EEA1: variants seen among roughly 807,000 people sequenced by gnomAD.
EEA1 encodes early endosome antigen 1, 162kD.
In EEA1, 111 loss-of-function variants were observed where a neutral mutation model predicts 209.2. The observed-to-expected ratio is 0.53, with a 90% confidence interval of 0.45 to 0.62. The LOEUF is 0.62. EEA1 is among the 20% of genes least tolerant of loss of function. The pLI, the probability that EEA1 is intolerant of heterozygous loss-of-function variation, is 0.00. For missense variants in EEA1, 1,343 were observed against 1,530.8 expected, an observed-to-expected ratio of 0.88 and a Z score of 2.05; for synonymous variants, 536 against 540.6, an observed-to-expected ratio of 0.99 and a Z score of 0.12.
chr12:92,844,961 T>C (rs1877329153), intron 9 of EEA1, among the ~76,000 whole-genome samples: 1 of 152,028 alleles, frequency 6.6e-6, no homozygotes, highest in Non-Finnish European at 1.5e-5. Context: ...CTAGTAAGAA[T>C]AAGAATAGAA....
chr12:92,857,082 G>A (rs1304445914), intron 5 of EEA1, among the ~76,000 whole-genome samples, 193 bp downstream of exon 5: 1 of 151,968 alleles, frequency 6.6e-6, no homozygotes, highest in South Asian at 2.1e-4. Context: ...ATTTTTAATG[G>A]AACACCTTTT....
rs1344924402 is a variant in EEA1, at chr12:92,777,531, T to C, written c.4014+12A>G. ...AGACTAAAAAACTGCTTCATATCCA[T>C]AGGTGACTGACCTGAAGTGATTGGT... On this transcript the variant is annotated intron_variant, in intron 27 of 28. Coordinates refer to ENST00000322349, the MANE Select transcript of EEA1 (RefSeq NM_003566.4). 2.5e-6 allele frequency: 4 copies of C among 1,606,140 alleles called. No individual in the cohort carries two copies. The African/African-American group carries it at 4.0e-5, about 16-fold the overall frequency.
intron 1 of EEA1, among the ~76,000 whole-genome samples, chr12:92,922,723 C>T (rs569105729): frequency 1.1e-4 from 16 of 152,030 alleles, no homozygotes; most frequent in African/African-American, 2.7e-4. Context: ...GAAGCCGAGG[C>T]GGGCGGATCG....
At chr12:92,777,890 CTTTTT>C (rs1264169429) in intron 26 of EEA1, 46 bp downstream of exon 26, 1 of 1,530,432 alleles carries the variant, frequency 6.5e-7, no homozygotes, top group Non-Finnish European at 9.0e-7. Context: ...ATATGACAAT[CTTTTT>C]ATCACTTACA....
At chr12:92,800,793 T>C (rs2136665904) in intron 20 of EEA1, among the ~76,000 whole-genome samples, 1 of 152,352 alleles carries the variant, frequency 6.6e-6, no homozygotes, top group Middle Eastern at 3.4e-3. Context: ...CGAAATGGCA[T>C]AGCTAATAAA....
intron 9 of EEA1, among the ~76,000 whole-genome samples, chr12:92,848,526 C>T (rs1358160065): frequency 6.6e-6 from 1 of 151,908 alleles, no homozygotes; most frequent in Non-Finnish European, 1.5e-5. Context: ...TCTTAAATGA[C>T]TTATTCTCCT....
intron 1 of EEA1, among the ~76,000 whole-genome samples, chr12:92,912,595 T>A (rs1342174785): frequency 6.6e-6 from 1 of 152,236 alleles, no homozygotes; most frequent in African/African-American, 2.4e-5. Flanking sequence ...TGGGTACAAG[T>A]GCAGTTTTGT....
chr12:92,789,315 A>AAAAGAG (rs1242699003), intron 21 of EEA1, among the ~76,000 whole-genome samples: 1 of 151,240 alleles, frequency 6.6e-6, no homozygotes, highest in Admixed American at 6.6e-5. Flanking sequence ...AAAGAAAAGA[A>AAAAGAG]AAAGAGAAAG....
At chr12:92,880,974 C>T (rs1879114308) in intron 2 of EEA1, among the ~76,000 whole-genome samples, 1 of 152,156 alleles carries the variant, frequency 6.6e-6, no homozygotes, top group African/African-American at 2.4e-5. Flanking sequence ...GAGTTCTTTG[C>T]CTCATATATT....
At chr12:92,908,389 C>T (rs11610414) in intron 1 of EEA1, among the ~76,000 whole-genome samples, 43,108 of 151,900 alleles carry the variant, frequency 0.28, 6,537 homozygotes, top group Non-Finnish European at 0.32. Context: ...TGTACAACAA[C>T]GTGAATACAT....
rs71069185 is a variant in EEA1 at position 92,869,752 on chromosome 12, C to CAAAAAA, written c.118-4771_118-4766dup. 3.4e-4 allele frequency among the ~76,000 whole-genome samples: 9 copies of CAAAAAA among 26,794 alleles called. 2 individuals are homozygous for CAAAAAA. The highest frequency in any genetic ancestry group is 4.6e-4 in the African/African-American group (4 of 8,690). The allele number at this position is 26,794 out of a possible 152,430, so 17.6% of individuals were successfully genotyped here. On this transcript the variant is annotated intron_variant, in intron 2 of 28. Coordinates refer to ENST00000322349, the MANE Select transcript of EEA1 (RefSeq NM_003566.4). ...TGGGTGACACAGTGAGATTCTGCCTCAAAAAAAAAAAAAAAAAAAAAAAAA... is the reference window on the plus strand; with the variant it reads ...TGGGTGACACAGTGAGATTCTGCCTCAAAAAAAAAAAAAAAAAAAAAAAAAAAAAAA...
intron 25 of EEA1, among the ~76,000 whole-genome samples, chr12:92,778,429 A>C (rs1873754665): frequency 6.6e-6 from 1 of 152,010 alleles, no homozygotes; most frequent in Admixed American, 6.6e-5. Context: ...ACAATGTGAG[A>C]TCTTTCTTCT....
At chr12:92,850,401 A>C (rs548168565) in intron 9 of EEA1, among the ~76,000 whole-genome samples, 22 of 152,304 alleles carry the variant, frequency 1.4e-4, no homozygotes, top group African/African-American at 5.3e-4. Context: ...ATTAGAAATA[A>C]GCTTATGGCC....
intron 2 of EEA1, chr12:92,879,320 T>C (rs1321815316): frequency 1.3e-5 from 6 of 446,612 alleles, no homozygotes; most frequent in Non-Finnish European, 2.7e-5. Context: ...TTTGGAATTT[T>C]GCAGCATTTC....
At chr12:92,793,321 G>A (rs1390403442) in intron 21 of EEA1, among the ~76,000 whole-genome samples, 2 of 152,152 alleles carry the variant, frequency 1.3e-5, no homozygotes, top group African/African-American at 4.8e-5. Context: ...TATTCAATTA[G>A]GAAAACAGGA....
intron 3 of EEA1, chr12:92,858,696 T>TAA: frequency 1.4e-6 from 1 of 736,958 alleles, no homozygotes; most frequent in Non-Finnish European, 2.6e-6. Context: ...ACACAATTGT[T>TAA]ATATCTGTTT....
chr12:92,771,091 G>A lies in EEA1; in HGVS notation c.*4920C>T, dbSNP rs1873416063. The A allele has an allele frequency of 2.0e-5, 3 of 151,710 alleles. No homozygotes were observed. Among genetic ancestry groups the A allele is most frequent in the African/African-American group, 7.3e-5 (3 of 41,330 alleles). 9.4% of individuals were successfully genotyped at this position (151,710 alleles called of 1,614,324 possible). On this transcript the variant is annotated 3_prime_UTR_variant, in exon 29 of 29. Coordinates refer to ENST00000322349, the MANE Select transcript of EEA1 (RefSeq NM_003566.4). ...TTTCTTCAGAATTTTTATCATGAAAGGCAGTTTGAATAATTATTATCATGG... is the reference window on the plus strand; with the variant it reads ...TTTCTTCAGAATTTTTATCATGAAAAGCAGTTTGAATAATTATTATCATGG...
rs559385331 is a variant in EEA1, at chr12:92,879,807, G to A, written c.117+11822C>T. ...GGGAGGGCCTCAAATGGCCTAACCA[G>A]AAGTTTGCCTCCCCATTCTCCTCCC... is the stretch of plus-strand genomic sequence containing the variant. On this transcript the variant is annotated intron_variant, in intron 2 of 28. Coordinates refer to ENST00000322349, the MANE Select transcript of EEA1 (RefSeq NM_003566.4). Among the ~76,000 whole-genome samples the A allele has an allele frequency of 6.6e-5, 10 of 152,320 alleles. No homozygotes were observed. In the South Asian group the frequency reaches 2.1e-3, roughly 32 times the overall value.
At chr12:92,788,992 T>C (rs1874263887) in intron 21 of EEA1, among the ~76,000 whole-genome samples, 1 of 152,066 alleles carries the variant, frequency 6.6e-6, no homozygotes, top group Non-Finnish European at 1.5e-5. Flanking sequence ...CACTCTCTCT[T>C]TAGAAGATCT....
Sources: allele counts gnomAD v4.1 joint callset (sites outside exome capture counted in the v4.1 genomes callset), GRCh38; gene constraint gnomAD v4.1.1; transcripts MANE v1.5; gene names NCBI Gene and HGNC (gene_info 2026-07-23, HGNC 2026-07-21).